Variants in CNGB3 observed in about 807,000 individuals in gnomAD.
CNGB3 encodes the protein cyclic nucleotide gated channel subunit beta 3.
CNGB3 carries 86 observed loss-of-function variants against 92.8 expected under a neutral mutation model. The ratio of observed to expected loss-of-function variants is 0.93; its 90% CI spans 0.78 to 1.11. The LOEUF is 1.11. Ranked by LOEUF, CNGB3 falls within the 50% of genes least tolerant of loss-of-function variation. The pLI is 0.00. For missense variants in CNGB3, 1,026 were observed against 956.8 expected (o/e 1.07, Z -0.95); for synonymous variants, 333 against 332.7 (o/e 1.00, Z -0.01).
At chr8:86,661,935 C>T in intron 6 of CNGB3, 2 of 687,986 alleles carry the variant, frequency 2.9e-6, no homozygotes, top group Non-Finnish European at 5.3e-6. Flanking sequence ...TCTCTAGGCA[C>T]GAGAAGAGGC....
At chr8:86,658,500 T>C in intron 6 of CNGB3, 1 of 393,054 alleles carries the variant, frequency 2.5e-6, no homozygotes. Flanking sequence ...AGCTTCCTCC[T>C]GCTGCAGCTG....
intron 13 of CNGB3, among the ~76,000 whole-genome samples, chr8:86,623,238 A>G (rs1246609714): frequency 6.6e-6 from 1 of 152,182 alleles, no homozygotes. Flanking sequence ...CAGATTTATA[A>G]ACCAAACTGC....
intron 3 of CNGB3, among the ~76,000 whole-genome samples, chr8:86,693,189 C>T (rs899314121): frequency 6.6e-6 from 1 of 152,100 alleles, no homozygotes; most frequent in Admixed American, 6.5e-5. Flanking sequence ...TTTAGACAAC[C>T]TGATGACTGT....
intron 15 of CNGB3, among the ~76,000 whole-genome samples, chr8:86,593,043 C>A (rs1011945971): frequency 6.6e-6 from 1 of 152,086 alleles, no homozygotes; most frequent in Non-Finnish European, 1.5e-5. Flanking sequence ...CATAAAAGTA[C>A]TGAATGGCAA....
intron 17 of CNGB3, among the ~76,000 whole-genome samples, chr8:86,577,897 G>T (rs1360192382): frequency 2.6e-5 from 4 of 152,010 alleles, no homozygotes; most frequent in African/African-American, 9.7e-5. Flanking sequence ...ACTCTTTTTT[G>T]TTGTTGTTTT....
chr8:86,589,344 TC>T (rs1217602364), intron 15 of CNGB3, among the ~76,000 whole-genome samples: 1 of 149,884 alleles, frequency 6.7e-6, no homozygotes, highest in Non-Finnish European at 1.5e-5. Flanking sequence ...TTCCTTCAGT[TC>T]TGCTCTGATT....
At chr8:86,586,443 G>A (rs1249440876) in intron 15 of CNGB3, among the ~76,000 whole-genome samples, 3 of 149,714 alleles carry the variant, frequency 2.0e-5, no homozygotes, top group Non-Finnish European at 4.4e-5. Context: ...CCACTAACTC[G>A]ACATCTAGCA....
intron 14 of CNGB3, among the ~76,000 whole-genome samples, chr8:86,609,791 C>T (rs2131564056): frequency 6.6e-6 from 1 of 152,274 alleles, no homozygotes; most frequent in South Asian, 2.1e-4. Flanking sequence ...CTCCATCTTG[C>T]CTCTCAGCTC....
intron 4 of CNGB3, among the ~76,000 whole-genome samples, chr8:86,669,683 A>G (rs1212340832): frequency 6.6e-6 from 1 of 152,184 alleles, no homozygotes; most frequent in Non-Finnish European, 1.5e-5. Context: ...GAAAACCCAC[A>G]TTCTCTTATA....
intron 7 of CNGB3, among the ~76,000 whole-genome samples, chr8:86,649,721 T>G (rs1823361609): frequency 6.6e-6 from 1 of 151,794 alleles, no homozygotes; most frequent in Admixed American, 6.6e-5. Flanking sequence ...GGAAAAACTC[T>G]TCTGGACATT....
intron 10 of CNGB3, among the ~76,000 whole-genome samples, chr8:86,636,400 C>T (rs1485673503): frequency 6.6e-6 from 1 of 151,304 alleles, no homozygotes; most frequent in African/African-American, 2.4e-5. Context: ...GGTGAAACCC[C>T]GTGTCTACTT....
intron 15 of CNGB3, among the ~76,000 whole-genome samples, chr8:86,597,901 A>C (rs1322227458): frequency 6.6e-6 from 1 of 152,068 alleles, no homozygotes; most frequent in Non-Finnish European, 1.5e-5. Context: ...TCACTTGAAC[A>C]TGGGAAGTGG....
intron 5 of CNGB3, among the ~76,000 whole-genome samples, chr8:86,667,583 G>T (rs1047362799): frequency 2.0e-5 from 3 of 152,224 alleles, no homozygotes; most frequent in Non-Finnish European, 2.9e-5. Context: ...GAATGGGAGG[G>T]CAGAGGGTCA....
intron 3 of CNGB3, among the ~76,000 whole-genome samples, chr8:86,706,671 T>C (rs1050417950): frequency 6.6e-6 from 1 of 152,240 alleles, no homozygotes; most frequent in African/African-American, 2.4e-5. Context: ...TTCCTTTCAT[T>C]TGAGTCTTAA....
intron 9 of CNGB3, 135 bp from the exon 10 acceptor site, chr8:86,644,008 A>G (rs1048202361): frequency 1.3e-5 from 11 of 821,358 alleles, no homozygotes; most frequent in Non-Finnish European, 1.9e-5. Context: ...TCATTAGTAC[A>G]GTACAAAGTG....
intron 15 of CNGB3, among the ~76,000 whole-genome samples, chr8:86,597,707 G>T (rs910402148): frequency 1.3e-5 from 2 of 152,142 alleles, no homozygotes; most frequent in Non-Finnish European, 2.9e-5. Flanking sequence ...ATGGTTAGGC[G>T]CAGTGGCTTG....
intron 6 of CNGB3, chr8:86,659,065 C>G: frequency 1.1e-6 from 1 of 869,682 alleles, no homozygotes; most frequent in Admixed American, 2.0e-5. Context: ...GAGGGCCCTG[C>G]TGGGGGCTCC....
chr8:86,646,272 T>C (rs2131596132), intron 8 of CNGB3, among the ~76,000 whole-genome samples: 1 of 151,230 alleles, frequency 6.6e-6, no homozygotes, highest in African/African-American at 2.4e-5. Flanking sequence ...ATTCTCACAT[T>C]CCATGGTCAA....
At chr8:86,593,836 G>A in intron 15 of CNGB3, 2 of 991,902 alleles carry the variant, frequency 2.0e-6, no homozygotes, top group South Asian at 1.3e-5. Flanking sequence ...CAGGGAAGTT[G>A]GTCAAATTGA....
Sources: gnomAD v4.1 joint callset for allele counts (sites outside exome capture counted in the v4.1 genomes callset) on GRCh38, gnomAD v4.1.1 for gene constraint, MANE v1.5 for transcripts, NCBI Gene and HGNC (gene_info 2026-07-23, HGNC 2026-07-21) for gene names.